CGNL1: variants seen among roughly 807,000 people sequenced by gnomAD.
The protein encoded by CGNL1 is cingulin like 1.
In CGNL1, 132 loss-of-function variants were observed where a neutral mutation model predicts 141.2. The observed-to-expected ratio is 0.93, with a 90% CI of 0.81 to 1.08. The LOEUF (loss-of-function observed/expected upper bound fraction) is 1.08. Ranked by LOEUF, CGNL1 falls within the 50% of genes least tolerant of loss-of-function variation. CGNL1 has a pLI of 0.00. For missense variants in CGNL1, 1,870 were observed against 1,588.6 expected (o/e 1.18, Z -3.01); for synonymous variants, 690 against 622.1 (o/e 1.11, Z -1.63).
intron 8 of CGNL1, among the ~76,000 whole-genome samples, chr15:57,492,919 A>C (rs2063886798): frequency 6.6e-6 from 1 of 152,142 alleles, no homozygotes; most frequent in Non-Finnish European, 1.5e-5. Flanking sequence ...CAGAGTCTTG[A>C]ATACGTCATC....
In CGNL1 at chr15:57,474,889, T is replaced by G. The variant is rs1172627672; in HGVS notation, c.2403+12997T>G. ...TCCATGTACAGTGAAATAAGAGTAT[T>G]GATCTGCACCTCTCCTAAGGCAGGT... On this transcript the variant is annotated intron_variant, in intron 8 of 18. Transcript: ENST00000281282. Among the ~76,000 whole-genome samples the G allele has an allele frequency of 5.3e-5, 8 of 152,328 alleles. 1 individual carries two copies. The highest frequency in any genetic ancestry group is 3.4e-3 in the Middle Eastern group (1 of 294).
intron 8 of CGNL1, among the ~76,000 whole-genome samples, chr15:57,494,527 G>A (rs2063909784): frequency 6.6e-6 from 1 of 152,134 alleles, no homozygotes; most frequent in Non-Finnish European, 1.5e-5. Flanking sequence ...ATGTGATTAA[G>A]CCATTAAAAA....
intron 1 of CGNL1, among the ~76,000 whole-genome samples, chr15:57,422,262 G>A (rs1359257029): frequency 1.3e-5 from 2 of 150,468 alleles, no homozygotes; most frequent in Non-Finnish European, 2.9e-5. Flanking sequence ...TCACAACCTG[G>A]CACTATTCTG....
chr15:57,379,459 G>C (rs2062402282), intron 1 of CGNL1, among the ~76,000 whole-genome samples: 1 of 152,130 alleles, frequency 6.6e-6, no homozygotes, highest in South Asian at 2.1e-4. Context: ...TTATTGCCCT[G>C]GTGGCTTCCT....
At chr15:57,540,106 T>C (rs925354331) in intron 14 of CGNL1, among the ~76,000 whole-genome samples, 65 of 152,302 alleles carry the variant, frequency 4.3e-4, no homozygotes, top group African/African-American at 1.4e-3. Context: ...CTCCCTCATA[T>C]GGCTAATTCC....
intron 1 of CGNL1, among the ~76,000 whole-genome samples, chr15:57,383,779 C>A (rs2062453234): frequency 6.6e-6 from 1 of 151,838 alleles, no homozygotes; most frequent in Non-Finnish European, 1.5e-5. Flanking sequence ...CAGATGCAGG[C>A]TACTATGCCT....
rs1595735372 is a variant in CGNL1, at chr15:57,468,087, TG to T, written c.2403+6197del. On this transcript the variant is annotated intron_variant, in intron 8 of 18. Transcript: ENST00000281282. ...TTTGTTGGGGGAAGTCAGTGGGGTA[TG>T]GATGAAACAAGATCAGCCATGCATT... Among the ~76,000 whole-genome samples the T allele has an allele frequency of 2.0e-5, 3 of 152,180 alleles. No individual in the cohort carries two copies. The East Asian group carries it at 5.8e-4, about 29-fold the overall frequency.
intron 8 of CGNL1, among the ~76,000 whole-genome samples, chr15:57,469,314 T>C (rs1211581215): frequency 6.6e-6 from 1 of 151,118 alleles, no homozygotes; most frequent in Non-Finnish European, 1.5e-5. Flanking sequence ...CATCTTGAGG[T>C]CCTGGGAGCC....
At chr15:57,446,634 G>A (rs2063255396) in intron 4 of CGNL1, among the ~76,000 whole-genome samples, 1 of 148,050 alleles carries the variant, frequency 6.8e-6, no homozygotes, top group African/African-American at 2.5e-5. Flanking sequence ...CTGGTATTTA[G>A]CTGCTAGGTG....
chr15:57,423,149 GT>G (rs1686729622), intron 1 of CGNL1, among the ~76,000 whole-genome samples: 1 of 152,108 alleles, frequency 6.6e-6, no homozygotes, highest in African/African-American at 2.4e-5. Context: ...ACTGGTTTTT[GT>G]TAAACACAGA....
At chr15:57,533,485 A>G (rs1255086952) in intron 14 of CGNL1, among the ~76,000 whole-genome samples, 1 of 152,212 alleles carries the variant, frequency 6.6e-6, no homozygotes, top group Non-Finnish European at 1.5e-5. Flanking sequence ...CTAAACATTC[A>G]CAATGACAAA....
chr15:57,410,854 G>T (rs556369507), intron 1 of CGNL1, among the ~76,000 whole-genome samples: 1 of 152,150 alleles, frequency 6.6e-6, no homozygotes, highest in Non-Finnish European at 1.5e-5. Context: ...CTTAATAAGA[G>T]ACTGAAGTTC....
intron 10 of CGNL1, among the ~76,000 whole-genome samples, chr15:57,518,916 G>A (rs1434055287): frequency 2.6e-5 from 4 of 152,194 alleles, no homozygotes; most frequent in African/African-American, 7.2e-5. Flanking sequence ...TGAGAAGGCC[G>A]GCAGGACTGG....
intron 8 of CGNL1, among the ~76,000 whole-genome samples, chr15:57,492,644 C>A (rs1013373879): frequency 1.4e-4 from 21 of 148,646 alleles, no homozygotes; most frequent in Non-Finnish European, 2.4e-4. Flanking sequence ...CCTGAGACTT[C>A]TGGCAAAGTG....
At chr15:57,454,566 G>A (rs912038095) in intron 7 of CGNL1, among the ~76,000 whole-genome samples, 35 of 152,144 alleles carry the variant, frequency 2.3e-4, no homozygotes, top group African/African-American at 8.2e-4. Flanking sequence ...CCGATGACCT[G>A]GCAGGAGCTC....
intron 10 of CGNL1, among the ~76,000 whole-genome samples, chr15:57,519,388 A>G (rs2031085139): frequency 6.6e-6 from 1 of 152,106 alleles, no homozygotes; most frequent in Non-Finnish European, 1.5e-5. Flanking sequence ...TCAGATTTGT[A>G]AATGCCTTGT....
At chr15:57,433,131 G>T (rs2063064941) in intron 1 of CGNL1, among the ~76,000 whole-genome samples, 1 of 152,236 alleles carries the variant, frequency 6.6e-6, no homozygotes, top group Admixed American at 6.5e-5. Flanking sequence ...TGTTTAAAAA[G>T]ATTATTAGAA....
At chr15:57,385,862 C>CAA (rs1329123474) in intron 1 of CGNL1, among the ~76,000 whole-genome samples, 4 of 152,220 alleles carry the variant, frequency 2.6e-5, no homozygotes, top group Non-Finnish European at 5.9e-5. Flanking sequence ...TCCTTTGATT[C>CAA]AAAGGACAGT....
At chr15:57,475,656 C>T (rs550666834) in intron 8 of CGNL1, among the ~76,000 whole-genome samples, 2 of 152,234 alleles carry the variant, frequency 1.3e-5, no homozygotes, top group Non-Finnish European at 2.9e-5. Flanking sequence ...AAAGAATCTT[C>T]TTCTTGCAGT....
Sources: gnomAD v4.1 joint callset for allele counts (sites outside exome capture counted in the v4.1 genomes callset) on GRCh38, gnomAD v4.1.1 for gene constraint, MANE v1.5 for transcripts, NCBI Gene and HGNC (gene_info 2026-07-23, HGNC 2026-07-21) for gene names.